BTBD9: variants seen among roughly 807,000 people sequenced by gnomAD.
The protein encoded by BTBD9 is BTB/POZ domain-containing protein 9.
In BTBD9, 49 loss-of-function variants were observed where a neutral mutation model predicts 64.3. The observed-to-expected ratio is 0.76, with a 90% CI of 0.61 to 0.97. The LOEUF is 0.97. BTBD9 is among the 50% of genes least tolerant of loss of function. BTBD9 has a pLI of 0.00. For synonymous variants in BTBD9, 260 were observed against 274.7 expected (o/e 0.95, Z 0.53); for missense variants, 598 against 762.1 (o/e 0.78, Z 2.53).
rs1386677747 is a variant in BTBD9, at chr6:38,178,744, TG to T, written c.1642-3563del. On this transcript the variant is annotated intron_variant, in intron 10 of 10. Coordinates refer to ENST00000481247, the MANE Select transcript of BTBD9 (RefSeq NM_001099272.2). ...CAAGGAGGGCCTGGGAGCAGCAGGGTGTGGGGGGGAGGGGTGGGGCAGAGGC... is the reference window on the plus strand; with the variant it reads ...CAAGGAGGGCCTGGGAGCAGCAGGGTTGGGGGGGAGGGGTGGGGCAGAGGC... Among the ~76,000 whole-genome samples the T allele has an allele frequency of 4.7e-3, 86 of 18,294 alleles. No individual in the cohort carries two copies. In the Admixed American group the frequency reaches 0.052, roughly 11 times the overall value. 12.0% of individuals were successfully genotyped at this position (18,294 alleles called of 152,430 possible). A position where few individuals can be genotyped will look rare whatever the true frequency, so the allele number is the denominator to read the frequency against.
At chr6:38,362,878 C>T (rs893206548) in intron 6 of BTBD9, among the ~76,000 whole-genome samples, 1 of 152,090 alleles carries the variant, frequency 6.6e-6, no homozygotes, top group Non-Finnish European at 1.5e-5. Flanking sequence ...GATAAAAATT[C>T]CTCTCTAGAA....
intron 6 of BTBD9, among the ~76,000 whole-genome samples, chr6:38,567,507 C>A (rs948482789): frequency 2.0e-5 from 3 of 152,220 alleles, no homozygotes; most frequent in Non-Finnish European, 4.4e-5. Flanking sequence ...CCACTCCCCC[C>A]ACCTTTCTTC....
At chr6:38,392,688 T>C (rs2127623995) in intron 6 of BTBD9, among the ~76,000 whole-genome samples, 1 of 152,292 alleles carries the variant, frequency 6.6e-6, no homozygotes, top group Middle Eastern at 3.4e-3. Context: ...GCAGTCAGAA[T>C]CTGAATGTAG....
intron 10 of BTBD9, among the ~76,000 whole-genome samples, chr6:38,186,262 A>G (rs1302313242): frequency 2.0e-5 from 3 of 152,202 alleles, no homozygotes; most frequent in Non-Finnish European, 4.4e-5. Context: ...TATGAGGATT[A>G]AATCATGTAA....
chr6:38,505,310 A>G (rs930750262), intron 6 of BTBD9, among the ~76,000 whole-genome samples: 6 of 152,140 alleles, frequency 3.9e-5, no homozygotes, highest in Non-Finnish European at 8.8e-5. Flanking sequence ...CCACATATCT[A>G]CATTCAGTTG....
intron 6 of BTBD9, among the ~76,000 whole-genome samples, chr6:38,413,852 G>A (rs1215420418): frequency 1.3e-5 from 2 of 152,008 alleles, no homozygotes; most frequent in Admixed American, 6.6e-5. Flanking sequence ...TAACCTTCAA[G>A]TTTCCCAACC....
At chr6:38,236,733 A>T (rs1763790592) in intron 9 of BTBD9, among the ~76,000 whole-genome samples, 1 of 152,238 alleles carries the variant, frequency 6.6e-6, no homozygotes, top group South Asian at 2.1e-4. Context: ...GATTGTTCTA[A>T]TGACATTTGA....
chr6:38,503,686 A>T (rs938158086), intron 6 of BTBD9, among the ~76,000 whole-genome samples: 1 of 151,976 alleles, frequency 6.6e-6, no homozygotes, highest in Non-Finnish European at 1.5e-5. Flanking sequence ...ACCAAACTAA[A>T]AACTTACACT....
intron 6 of BTBD9, among the ~76,000 whole-genome samples, chr6:38,372,730 C>G (rs149003095): frequency 2.0e-5 from 3 of 152,162 alleles, no homozygotes; most frequent in Admixed American, 6.5e-5. Context: ...TCCATTCAGA[C>G]GACATAAGCC....
intron 6 of BTBD9, among the ~76,000 whole-genome samples, chr6:38,358,796 G>T (rs1433437071): frequency 6.8e-6 from 1 of 146,896 alleles, no homozygotes; most frequent in African/African-American, 2.5e-5. Flanking sequence ...ACGGAGTCTC[G>T]CTCTGTCGCC....
At chr6:38,278,405 A>G (rs1259653585) in intron 8 of BTBD9, among the ~76,000 whole-genome samples, 1 of 152,252 alleles carries the variant, frequency 6.6e-6, no homozygotes, top group African/African-American at 2.4e-5. Flanking sequence ...AGTAAAACAA[A>G]TGTAAAGTCT....
chr6:38,262,114 T>C (rs1029834939), intron 8 of BTBD9, among the ~76,000 whole-genome samples: 13 of 152,260 alleles, frequency 8.5e-5, no homozygotes, highest in Admixed American at 3.3e-4. Context: ...TGTATTCTTA[T>C]GTCTTTGTGC....
intron 1 of BTBD9, among the ~76,000 whole-genome samples, chr6:38,617,615 A>G (rs1777835599): frequency 6.6e-6 from 1 of 152,174 alleles, no homozygotes; most frequent in South Asian, 2.1e-4. Flanking sequence ...AGGCCTAACA[A>G]AGGCCATTCC....
intron 6 of BTBD9, among the ~76,000 whole-genome samples, chr6:38,497,143 G>A (rs1281145383): frequency 2.0e-5 from 3 of 152,160 alleles, no homozygotes; most frequent in East Asian, 3.8e-4. Context: ...ATTGGTTTTG[G>A]TGACTCTCTG....
intron 6 of BTBD9, among the ~76,000 whole-genome samples, chr6:38,489,877 C>A (rs1771624960): frequency 6.6e-6 from 1 of 152,196 alleles, no homozygotes; most frequent in Admixed American, 6.5e-5. Context: ...AAGATTTTAA[C>A]CTTTTCTTCT....
intron 6 of BTBD9, among the ~76,000 whole-genome samples, chr6:38,420,672 A>G (rs1767862830): frequency 6.6e-6 from 1 of 152,124 alleles, no homozygotes; most frequent in Admixed American, 6.5e-5. Context: ...CCTGGCCAAC[A>G]TGGTGAAACT....
At chr6:38,348,506 A>G (rs1428300777) in intron 6 of BTBD9, among the ~76,000 whole-genome samples, 5 of 152,196 alleles carry the variant, frequency 3.3e-5, no homozygotes, top group Non-Finnish European at 5.9e-5. Context: ...CAGTTGGAAG[A>G]TAATTAAAAC....
intron 6 of BTBD9, among the ~76,000 whole-genome samples, chr6:38,391,212 G>C (rs1459612346): frequency 6.6e-6 from 1 of 152,110 alleles, no homozygotes; most frequent in Non-Finnish European, 1.5e-5. Context: ...TACTCTCAAA[G>C]GTTTTACATA....
intron 7 of BTBD9, among the ~76,000 whole-genome samples, chr6:38,296,125 A>G (rs1316741581): frequency 2.0e-5 from 3 of 152,214 alleles, no homozygotes; most frequent in African/African-American, 7.2e-5. Context: ...TGCCTTTACC[A>G]TGCTGTCTTA....
Sources: gnomAD v4.1 joint callset for allele counts (sites outside exome capture counted in the v4.1 genomes callset) on GRCh38, gnomAD v4.1.1 for gene constraint, MANE v1.5 for transcripts, NCBI Gene and HGNC (gene_info 2026-07-23, HGNC 2026-07-21) for gene names.